Variants in VAT1L observed in about 807,000 individuals in gnomAD.
The protein encoded by VAT1L is vesicle amine transport 1 like, also known as putative NADPH-dependent quinone oxidoreductase VAT1L.
A neutral mutation model predicts 44.1 loss-of-function variants in VAT1L; 34 were observed. That is an observed-to-expected ratio of 0.77 (90% CI 0.59 to 1.03). VAT1L has a LOEUF of 1.03. Among genes scored for constraint, VAT1L ranks in the 50% least tolerant of loss-of-function variants. The pLI is 0.00. For synonymous variants in VAT1L, 253 were observed against 202.2 expected (o/e 1.25, Z -2.13); for missense variants, 615 against 538.8 (o/e 1.14, Z -1.40).
intron 3 of VAT1L, among the ~76,000 whole-genome samples, chr16:77,833,833 G>A (rs977684757): frequency 2.0e-5 from 3 of 152,102 alleles, no homozygotes; most frequent in Non-Finnish European, 2.9e-5. Flanking sequence ...ATTAGAAGTG[G>A]AGGTGGGCTG....
At chr16:77,962,246 C>T (rs2018167561) in intron 7 of VAT1L, among the ~76,000 whole-genome samples, 1 of 152,096 alleles carries the variant, frequency 6.6e-6, no homozygotes, top group South Asian at 2.1e-4. Flanking sequence ...GGGTCCTGCC[C>T]ATGTAGTGGG....
At position 77,943,380 on chromosome 16, in the gene VAT1L, CT is replaced by C. The variant is rs773527946; in HGVS notation, c.1078-28453del. Among the ~76,000 whole-genome samples, 1,177 of 125,848 alleles carry C rather than the reference CT, an allele frequency of 9.4e-3. 8 individuals are homozygous for C. Among genetic ancestry groups the C allele is most frequent in the Non-Finnish European group, 0.013 (767 of 61,112 alleles). 82.6% of individuals were successfully genotyped at this position (125,848 alleles called of 152,430 possible). A position where few individuals can be genotyped will look rare whatever the true frequency, so the allele number is the denominator to read the frequency against. On this transcript the variant is annotated intron_variant, in intron 7 of 8. Coordinates refer to ENST00000302536, the MANE Select transcript of VAT1L (RefSeq NM_020927.3). ...CACTTGGCCTATTTTCTTTTTCTTT[CT>C]TTTTTTTTTTTTTTTTGAGACAGAG...
intron 2 of VAT1L, among the ~76,000 whole-genome samples, chr16:77,823,215 A>C (rs2016480571): frequency 6.6e-6 from 1 of 151,316 alleles, no homozygotes; most frequent in Non-Finnish European, 1.5e-5. Flanking sequence ...GACCCCACCC[A>C]CCATTCCCAC....
intron 1 of VAT1L, among the ~76,000 whole-genome samples, chr16:77,815,605 A>G (rs958776438): frequency 1.3e-5 from 2 of 152,262 alleles, no homozygotes; most frequent in Middle Eastern, 3.4e-3. Flanking sequence ...ACCAGTGGGC[A>G]TAGGTGGAGT....
chr16:77,852,925 T>C (rs2016821938), intron 3 of VAT1L, among the ~76,000 whole-genome samples: 1 of 152,168 alleles, frequency 6.6e-6, no homozygotes. Context: ...CTCATAAAGG[T>C]TGTGATGAGG....
intron 7 of VAT1L, among the ~76,000 whole-genome samples, chr16:77,936,535 G>A (rs2017798897): frequency 6.6e-6 from 1 of 152,130 alleles, no homozygotes; most frequent in South Asian, 2.1e-4. Context: ...CCACGAAAAT[G>A]TAGGCTTGCA....
chr16:77,829,905 T>C (rs2966040), intron 3 of VAT1L, among the ~76,000 whole-genome samples: 32,533 of 152,086 alleles, frequency 0.21, 3,902 homozygotes, highest in African/African-American at 0.31. Context: ...GAGATTACTA[T>C]AGGCAGTAAG....
intron 7 of VAT1L, among the ~76,000 whole-genome samples, chr16:77,926,566 G>T (rs2017671533): frequency 1.3e-5 from 2 of 152,164 alleles, no homozygotes; most frequent in African/African-American, 4.8e-5. Context: ...CTGGGTGACA[G>T]AGCAAGACTC....
rs1459560131 is a variant in VAT1L at position 77,788,818 on chromosome 16, G to A, written c.136G>A (p.Val46Met). ...GGACGCCCAGGAGATGCGCGCGGTG[G>A]TGCTGGCTGGCTTCGGGGGGCTCAA... ...LGDAQEMRAV[V>M]LAGFGGLNKL... The change falls in exon 1 of 9, where the codon GTG becomes ATG. Residue 46 changes from valine to methionine, a missense_variant. Physicochemically the swap from Val to Met is conservative, Grantham distance 21. Coordinates refer to ENST00000302536, the MANE Select transcript of VAT1L (RefSeq NM_020927.3). 1.3e-6 allele frequency: 2 copies of A among 1,577,958 alleles called. No individual in the cohort carries two copies. Among genetic ancestry groups the A allele is most frequent in the South Asian group, 1.2e-5 (1 of 85,810 alleles).
intron 7 of VAT1L, among the ~76,000 whole-genome samples, chr16:77,931,137 T>G (rs555138523): frequency 6.6e-6 from 1 of 152,316 alleles, no homozygotes; most frequent in African/African-American, 2.4e-5. Flanking sequence ...AATGCTCTTA[T>G]TAGATTGCCT....
At chr16:77,885,709 C>T (rs929321719) in intron 7 of VAT1L, among the ~76,000 whole-genome samples, 3 of 151,832 alleles carry the variant, frequency 2.0e-5, no homozygotes, top group Non-Finnish European at 4.4e-5. Context: ...TGTACTTTTG[C>T]AAGTCACAAA....
At chr16:77,815,729 G>C (rs1225521415) in intron 1 of VAT1L, among the ~76,000 whole-genome samples, 1 of 151,884 alleles carries the variant, frequency 6.6e-6, no homozygotes, top group African/African-American at 2.4e-5. Context: ...AGCAATTTGG[G>C]AGACCAAGGT....
chr16:77,975,182 C>A (rs544400220), intron 8 of VAT1L, among the ~76,000 whole-genome samples: 1 of 125,288 alleles, frequency 8.0e-6, no homozygotes, highest in South Asian at 2.6e-4. Context: ...CTTTCTCCTA[C>A]TGGAATGACC....
chr16:77,940,151 G>A (rs1287815653), intron 7 of VAT1L, among the ~76,000 whole-genome samples: 1 of 152,082 alleles, frequency 6.6e-6, no homozygotes, highest in African/African-American at 2.4e-5. Context: ...GCTAGTGAAT[G>A]TTTTAACAAG....
intron 7 of VAT1L, among the ~76,000 whole-genome samples, chr16:77,940,185 T>C (rs2017862257): frequency 6.6e-6 from 1 of 152,146 alleles, no homozygotes; most frequent in Admixed American, 6.5e-5. Flanking sequence ...TGGGGAACTG[T>C]GATTTACAGC....
In VAT1L at chr16:77,825,315, T is replaced by TGAAC; in HGVS notation, c.433_434insGAAC (p.Phe145Ter). The TGAAC allele has an allele frequency of 2.5e-6, 4 of 1,614,068 alleles. No homozygotes were observed. Among genetic ancestry groups the TGAAC allele is most frequent in the Non-Finnish European group, 3.4e-6 (4 of 1,180,028 alleles). Reference sequence around the variant, plus strand: ...AGAGGTGGTCTGCACACCAGTGGAGTTTGTCTACAAGATCCCGGATGACAT... The same window carrying TGAAC: ...AGAGGTGGTCTGCACACCAGTGGAGTGAACTTGTCTACAAGATCCCGGATGACAT... On this transcript the variant is annotated stop_gained and frameshift_variant, in exon 3 of 9. Transcript: ENST00000302536. LOFTEE classifies it high-confidence loss of function.
intron 7 of VAT1L, among the ~76,000 whole-genome samples, chr16:77,921,797 G>A (rs907252873): frequency 2.0e-5 from 3 of 152,136 alleles, no homozygotes; most frequent in African/African-American, 7.2e-5. Flanking sequence ...GGGCTGGAGT[G>A]CAGTGGCACA....
intron 5 of VAT1L, among the ~76,000 whole-genome samples, chr16:77,878,730 C>G (rs1035402140): frequency 6.6e-6 from 1 of 152,106 alleles, no homozygotes; most frequent in Non-Finnish European, 1.5e-5. Context: ...TCTGCTCCAC[C>G]TCTCCCACCA....
At chr16:77,974,986 T>C (rs1020989580) in intron 8 of VAT1L, among the ~76,000 whole-genome samples, 1 of 151,742 alleles carries the variant, frequency 6.6e-6, no homozygotes, top group Non-Finnish European at 1.5e-5. Flanking sequence ...AAAAGCAGAC[T>C]TGAAGGAAAG....
Sources: gnomAD v4.1 joint callset for allele counts (sites outside exome capture counted in the v4.1 genomes callset) on GRCh38, gnomAD v4.1.1 for gene constraint, MANE v1.5 for transcripts, NCBI Gene and HGNC (gene_info 2026-07-23, HGNC 2026-07-21) for gene names.